The following FMN1 variants were observed in gnomAD, a reference collection of about 807,000 sequenced individuals.
FMN1 encodes the protein formin-1.
In FMN1, 110 loss-of-function variants were observed where a neutral mutation model predicts 132.4. The ratio of observed to expected loss-of-function variants is 0.83; its 90% confidence interval spans 0.71 to 0.97. FMN1 has a LOEUF of 0.97. Ranked by LOEUF, FMN1 falls within the 50% of genes least tolerant of loss-of-function variation. The pLI is 0.00. For synonymous variants in FMN1, 722 were observed against 651.7 expected (o/e 1.11, Z -1.64); for missense variants, 1,792 against 1,705.3 (o/e 1.05, Z -0.90).
At chr15:33,003,628 T>G (rs1474206382) in intron 7 of FMN1, among the ~76,000 whole-genome samples, 3 of 152,172 alleles carry the variant, frequency 2.0e-5, no homozygotes, top group Non-Finnish European at 4.4e-5. Context: ...CCAAGGTAAT[T>G]TATAGATTCA....
intron 4 of FMN1, among the ~76,000 whole-genome samples, chr15:33,110,571 T>C (rs2039662835): frequency 6.6e-6 from 1 of 152,046 alleles, no homozygotes; most frequent in African/African-American, 2.4e-5. Flanking sequence ...TTTTTGAGAA[T>C]AGCTATTCTG....
intron 20 of FMN1, among the ~76,000 whole-genome samples, chr15:32,775,407 C>A (rs1157953291): frequency 6.6e-6 from 1 of 152,088 alleles, no homozygotes; most frequent in Non-Finnish European, 1.5e-5. Context: ...CCACTGTTTC[C>A]CTTTTGTCTA....
In FMN1 at chr15:33,162,460, G is replaced by C. The variant is rs576761197; in HGVS notation, c.-131-7415C>G. Among the ~76,000 whole-genome samples the C allele has an allele frequency of 1.9e-3, 290 of 151,928 alleles. 1 individual carries two copies. Among genetic ancestry groups the C allele is most frequent in the African/African-American group, 6.9e-3 (285 of 41,452 alleles). ...AAGGAGAGTCAACATCATGTTTGTAGAATCAGAATAACACTTCAGGCAGAA... is the reference window on the plus strand; with the variant it reads ...AAGGAGAGTCAACATCATGTTTGTACAATCAGAATAACACTTCAGGCAGAA... On this transcript the variant is annotated intron_variant, in intron 3 of 20. Coordinates refer to ENST00000616417, the MANE Select transcript of FMN1 (RefSeq NM_001277313.2).
intron 2 of FMN1, among the ~76,000 whole-genome samples, chr15:33,190,686 A>G (rs1337390044): frequency 2.0e-5 from 3 of 152,140 alleles, no homozygotes; most frequent in Non-Finnish European, 2.9e-5. Flanking sequence ...TCTTTAACAA[A>G]AACATGAACT....
chr15:32,818,144 T>G (rs952578317), intron 17 of FMN1, among the ~76,000 whole-genome samples: 1 of 152,168 alleles, frequency 6.6e-6, no homozygotes, highest in African/African-American at 2.4e-5. Context: ...CATTTGTGCT[T>G]TAGTTATATA....
In FMN1 at chr15:32,825,954, G is replaced by A. The variant is rs148221049; in HGVS notation, c.3929-21622C>T. Among the ~76,000 whole-genome samples, 612 of 152,344 alleles carry A rather than the reference G, an allele frequency of 4.0e-3. 5 individuals carry two copies. Among genetic ancestry groups the A allele is most frequent in the African/African-American group, 0.014 (570 of 41,576 alleles). ...ATTAGACCTGACATATAAAATCAGTGTGCGAGATGTTGTTTAGAATAAGTA... is the reference window on the plus strand; with the variant it reads ...ATTAGACCTGACATATAAAATCAGTATGCGAGATGTTGTTTAGAATAAGTA... On this transcript the variant is annotated intron_variant, in intron 17 of 20. Coordinates refer to ENST00000616417, the MANE Select transcript of FMN1 (RefSeq NM_001277313.2).
At chr15:32,848,982 T>TTG (rs1555472050) in intron 17 of FMN1, among the ~76,000 whole-genome samples, 1 of 114,538 alleles carries the variant, frequency 8.7e-6, no homozygotes, top group Non-Finnish European at 1.7e-5. Context: ...CTTTTGTTTT[T>TTG]TTTTTTTTTT....
At chr15:32,989,895 A>C (rs1234843999) in intron 7 of FMN1, among the ~76,000 whole-genome samples, 1 of 152,140 alleles carries the variant, frequency 6.6e-6, no homozygotes, top group African/African-American at 2.4e-5. Flanking sequence ...GTTTTAGGAG[A>C]ACCATGACAC....
At chr15:32,886,720 A>T (rs541790894) in intron 16 of FMN1, among the ~76,000 whole-genome samples, 5 of 152,184 alleles carry the variant, frequency 3.3e-5, no homozygotes, top group Non-Finnish European at 7.4e-5. Context: ...GGCATTCAGG[A>T]ACAGCCGTGG....
chr15:32,838,676 A>G (rs1364828283), intron 17 of FMN1, among the ~76,000 whole-genome samples: 1 of 152,162 alleles, frequency 6.6e-6, no homozygotes, highest in African/African-American at 2.4e-5. Context: ...GAAAGATATT[A>G]CCCTACAGAT....
At chr15:33,146,166 AC>A (rs1266022317) in intron 4 of FMN1, among the ~76,000 whole-genome samples, 2 of 151,958 alleles carry the variant, frequency 1.3e-5, no homozygotes, top group East Asian at 3.9e-4. Context: ...TGAAGTCCTC[AC>A]TCACTTGCTT....
In FMN1 at chr15:33,146,758, A is replaced by T. The variant is rs534720521; in HGVS notation, c.1867+6290T>A. Reference sequence around the variant, plus strand: ...ACAGAAGTCACTATCCCTGTAAGTGATCAGAAAGCAAATACAGTGAGATCG... The same window carrying T: ...ACAGAAGTCACTATCCCTGTAAGTGTTCAGAAAGCAAATACAGTGAGATCG... On this transcript the variant is annotated intron_variant, in intron 4 of 20. Transcript: ENST00000616417. Among the ~76,000 whole-genome samples, 22 of 152,292 alleles carry T rather than the reference A, an allele frequency of 1.4e-4. No individual in the cohort carries two copies. In the South Asian group the frequency reaches 3.5e-3, roughly 24 times the overall value.
At chr15:33,098,810 T>A (rs1176641748) in intron 4 of FMN1, among the ~76,000 whole-genome samples, 1 of 152,152 alleles carries the variant, frequency 6.6e-6, no homozygotes, top group Middle Eastern at 3.2e-3. Context: ...TGCCTCTAGT[T>A]CTTGCCAGGT....
intron 17 of FMN1, among the ~76,000 whole-genome samples, chr15:32,849,355 T>A (rs912880960): frequency 1.3e-5 from 2 of 152,064 alleles, no homozygotes; most frequent in African/African-American, 4.8e-5. Flanking sequence ...TTCATTTTTA[T>A]CTGAATGATA....
At chr15:32,880,865 C>T (rs1329615666) in intron 16 of FMN1, among the ~76,000 whole-genome samples, 1 of 152,084 alleles carries the variant, frequency 6.6e-6, no homozygotes, top group Non-Finnish European at 1.5e-5. Flanking sequence ...TTCTTTTTGT[C>T]CTAAGTATTC....
chr15:32,902,710 A>G (rs1009968799), intron 12 of FMN1, among the ~76,000 whole-genome samples: 1 of 152,190 alleles, frequency 6.6e-6, no homozygotes, highest in Non-Finnish European at 1.5e-5. Context: ...CTTAAAAGCT[A>G]AAGGTGAGTA....
intron 12 of FMN1, 68 bp downstream of exon 12, chr15:32,908,422 T>C (rs2060477729): frequency 9.8e-7 from 1 of 1,016,690 alleles, no homozygotes; most frequent in East Asian, 2.4e-5. Flanking sequence ...TATTCTGAGC[T>C]GGGAGACAAG....
At chr15:32,825,263 C>T (rs1239140824) in intron 17 of FMN1, among the ~76,000 whole-genome samples, 2 of 152,220 alleles carry the variant, frequency 1.3e-5, no homozygotes, top group Non-Finnish European at 2.9e-5. Flanking sequence ...AGGTTACTTT[C>T]ATTTTACAAA....
intron 3 of FMN1, among the ~76,000 whole-genome samples, chr15:33,165,580 A>AT: frequency 6.6e-6 from 1 of 152,132 alleles, no homozygotes; most frequent in African/African-American, 2.4e-5. Context: ...TTTAGTAGAG[A>AT]CGGGGTTTCA....
Sources: gnomAD v4.1 joint callset for allele counts (sites outside exome capture counted in the v4.1 genomes callset) on GRCh38, gnomAD v4.1.1 for gene constraint, MANE v1.5 for transcripts, NCBI Gene and HGNC (gene_info 2026-07-23, HGNC 2026-07-21) for gene names.